AGBL1: variants seen among roughly 807,000 people sequenced by gnomAD.
AGBL1 encodes AGBL carboxypeptidase 1.
A neutral mutation model predicts 118.9 loss-of-function variants in AGBL1; 130 were observed. The observed-to-expected ratio is 1.09, with a 90% CI of 0.95 to 1.26. The LOEUF is 1.26. AGBL1 is among the 50% of genes most tolerant of loss of function. The pLI is 0.00. For synonymous variants in AGBL1, 555 were observed against 478.9 expected, an observed-to-expected ratio of 1.16 and a Z score of -2.08; for missense variants, 1,584 against 1,298.1, an observed-to-expected ratio of 1.22 and a Z score of -3.38.
chr15:86,598,180 T>A (rs1191535253), intron 21 of AGBL1, among the ~76,000 whole-genome samples: 1 of 152,136 alleles, frequency 6.6e-6, no homozygotes, highest in Non-Finnish European at 1.5e-5. Flanking sequence ...CATAGTCAAC[T>A]GTATTATGAA....
intron 17 of AGBL1, among the ~76,000 whole-genome samples, chr15:86,332,097 G>GAA (rs35178676): frequency 2.0e-4 from 30 of 151,420 alleles, no homozygotes; most frequent in Non-Finnish European, 3.5e-4. Flanking sequence ...ATGCAAATGG[G>GAA]AAAAAAAAGC....
Position 86,382,988 on chromosome 15 carries a change from C to T in AGBL1, c.2375-14378C>T, listed in dbSNP as rs567275748. ...ACCTAGCTATAGAAATTTCCTGACA[C>T]GGTTTCCATTTTGAACAGCTCTGCT... On this transcript the variant is annotated intron_variant, in intron 17 of 22. Coordinates refer to ENST00000614907, the MANE Select transcript of AGBL1 (RefSeq NM_001386094.1). Among the ~76,000 whole-genome samples, 33 of 152,232 alleles carry T rather than the reference C, an allele frequency of 2.2e-4. 1 individual carries two copies. In the South Asian group the frequency reaches 6.4e-3, roughly 30 times the overall value.
At chr15:86,756,270 A>G (rs11073668) in intron 22 of AGBL1, among the ~76,000 whole-genome samples, 61,000 of 151,620 alleles carry the variant, frequency 0.4, 13,069 homozygotes, top group East Asian at 0.57. Context: ...AAGACTACAC[A>G]GCCATTTTCT....
chr15:86,901,747 C>A (rs1024749545), intron 22 of AGBL1, among the ~76,000 whole-genome samples: 3 of 151,902 alleles, frequency 2.0e-5, no homozygotes, highest in Non-Finnish European at 4.4e-5. Flanking sequence ...TCTTTGTATG[C>A]ATTTAGGTGT....
chr15:86,520,376 T>A (rs2083172488), intron 18 of AGBL1, among the ~76,000 whole-genome samples: 1 of 152,342 alleles, frequency 6.6e-6, no homozygotes, highest in African/African-American at 2.4e-5. Flanking sequence ...CATGAGAATG[T>A]TGACTCTCAA....
intron 18 of AGBL1, among the ~76,000 whole-genome samples, chr15:86,437,685 G>A (rs1220550127): frequency 6.6e-6 from 1 of 152,122 alleles, no homozygotes; most frequent in Non-Finnish European, 1.5e-5. Flanking sequence ...GAGCACTTCA[G>A]GATGGAGGTT....
downstream of AGBL1, among the ~76,000 whole-genome samples, chr15:86,917,589 A>G (rs1245443065): frequency 1.3e-5 from 2 of 152,174 alleles, no homozygotes; most frequent in East Asian, 1.9e-4. This position sits in a 1 kb window ranked among gnomAD's most constrained non-coding sequence, Gnocchi z 4.8. Context: ...TCACCTCTAC[A>G]ACCTTGTTCC....
rs567999813 is a variant in AGBL1 at position 86,424,851 on chromosome 15, T to C, written c.2555+27305T>C. Among the ~76,000 whole-genome samples the C allele has an allele frequency of 3.2e-3, 483 of 152,274 alleles. 1 individual carries two copies. Among genetic ancestry groups the C allele is most frequent in the African/African-American group, 0.011 (455 of 41,570 alleles). ...AAAACCACAATGAGATACCATCTCA[T>C]GCCAGTTAGACTGGCGATCTTTAAA... On this transcript the variant is annotated intron_variant, in intron 18 of 22. Transcript: ENST00000614907.
intron 6 of AGBL1, among the ~76,000 whole-genome samples, chr15:86,236,955 G>GGGGGA (rs2078560224): frequency 7.9e-6 from 1 of 126,962 alleles, no homozygotes; most frequent in Non-Finnish European, 1.7e-5. Context: ...GGGGGGGCGG[G>GGGGGA]GGGGCGCCAA....
chr15:86,501,401 T>G (rs2082915970), intron 18 of AGBL1, among the ~76,000 whole-genome samples: 1 of 151,646 alleles, frequency 6.6e-6, no homozygotes, highest in African/African-American at 2.4e-5. Flanking sequence ...CTGTGGGGTG[T>G]CTTTTTCACT....
At position 86,450,028 on chromosome 15, in the gene AGBL1, T is replaced by C. The variant is rs531400218; in HGVS notation, c.2555+52482T>C. Among the ~76,000 whole-genome samples, 16 of 152,318 alleles carry C rather than the reference T, an allele frequency of 1.1e-4. No homozygotes were observed. In the East Asian group the frequency reaches 2.9e-3, roughly 28 times the overall value. On this transcript the variant is annotated intron_variant, in intron 18 of 22. Coordinates refer to ENST00000614907, the MANE Select transcript of AGBL1 (RefSeq NM_001386094.1). ...GTTCACCTACCCATAGTCCTGCATG[T>C]CAGCTTACTCCAGCAGCTTATAAGT...
At chr15:86,512,409 C>A (rs534378723) in intron 18 of AGBL1, among the ~76,000 whole-genome samples, 1 of 151,792 alleles carries the variant, frequency 6.6e-6, no homozygotes, top group South Asian at 2.1e-4. Context: ...ATCATTGTCT[C>A]GCATTTTCTT....
chr15:86,666,020 TAATA>T (rs2085638053), intron 21 of AGBL1, among the ~76,000 whole-genome samples: 1 of 152,140 alleles, frequency 6.6e-6, no homozygotes, highest in African/African-American at 2.4e-5. Flanking sequence ...AAACCCTCAT[TAATA>T]GTTTTTACTT....
At chr15:86,312,747 G>A (rs923978689) in intron 17 of AGBL1, among the ~76,000 whole-genome samples, 1 of 152,162 alleles carries the variant, frequency 6.6e-6, no homozygotes, top group Non-Finnish European at 1.5e-5. Flanking sequence ...CATCCCGTTA[G>A]GAAGTGGCTA....
At chr15:86,303,136 T>G (rs1298306025) in intron 17 of AGBL1, among the ~76,000 whole-genome samples, 1 of 152,214 alleles carries the variant, frequency 6.6e-6, no homozygotes, top group Non-Finnish European at 1.5e-5. Flanking sequence ...ATTTGTTAAC[T>G]TTATGACCTT....
chr15:86,563,032 C>CT (rs1220736430), intron 21 of AGBL1, among the ~76,000 whole-genome samples: 1 of 152,110 alleles, frequency 6.6e-6, no homozygotes, highest in Non-Finnish European at 1.5e-5. Context: ...ATTCTTCTCT[C>CT]TTTTTTTCTT....
intron 21 of AGBL1, among the ~76,000 whole-genome samples, chr15:86,569,321 C>T (rs1460505253): frequency 6.6e-6 from 1 of 151,396 alleles, no homozygotes; most frequent in Non-Finnish European, 1.5e-5. Context: ...GTTCCAGCTA[C>T]TTGGTAGGCT....
At chr15:86,692,758 C>G (rs1323432893) in intron 22 of AGBL1, among the ~76,000 whole-genome samples, 2 of 152,112 alleles carry the variant, frequency 1.3e-5, no homozygotes, top group Non-Finnish European at 2.9e-5. Context: ...CCCTCATCCC[C>G]CTCACACCAT....
chr15:86,164,504 T>G (rs758552382), intron 5 of AGBL1, among the ~76,000 whole-genome samples: 2 of 152,188 alleles, frequency 1.3e-5, no homozygotes, highest in African/African-American at 2.4e-5. Context: ...AGGCTGTCCC[T>G]TTGTGCCGTC....
Sources: allele counts gnomAD v4.1 joint callset (sites outside exome capture counted in the v4.1 genomes callset), GRCh38; gene constraint gnomAD v4.1.1; non-coding constraint Gnocchi (gnomAD v3.1); transcripts MANE v1.5; gene names NCBI Gene and HGNC (gene_info 2026-07-23, HGNC 2026-07-21).